The following ZSCAN1 variants were observed in gnomAD, a reference collection of about 807,000 sequenced individuals.
ZSCAN1 encodes the protein zinc finger and SCAN domain containing 1, also known as zinc finger and SCAN domain-containing protein 1.
In ZSCAN1, 23 loss-of-function variants were observed where a neutral mutation model predicts 23.8. The observed-to-expected ratio is 0.97, with a 90% CI of 0.70 to 1.37. The LOEUF (loss-of-function observed/expected upper bound fraction) is 1.37. Among genes scored for constraint, ZSCAN1 ranks in the 40% most tolerant of loss-of-function variants. The pLI is 0.00. For missense variants in ZSCAN1, 575 were observed against 554.0 expected (o/e 1.04, Z -0.38); for synonymous variants, 236 against 232.3 (o/e 1.02, Z -0.15).
In ZSCAN1 at chr19:58,049,910, G is replaced by A. The variant is rs760764982; in HGVS notation, c.466-2580G>A. 1.3e-5 allele frequency among the ~76,000 whole-genome samples: 2 copies of A among 152,178 alleles called. No homozygotes were observed. The highest frequency in any genetic ancestry group is 3.9e-4 in the East Asian group (2 of 5,182). On this transcript the variant is annotated intron_variant, in intron 4 of 5. Transcript: ENST00000282326. This position sits in a 1 kb window ranked among gnomAD's most constrained non-coding sequence, Gnocchi z 4.5. ...TGAGCTTTTTCTTGTGGGCATTCTC[G>A]GGTTTTTTCACTTTACTCCACTGTG...
chr19:58,047,782 C>T lies in ZSCAN1; in HGVS notation c.466-4708C>T, dbSNP rs1396441235. On this transcript the variant is annotated intron_variant, in intron 4 of 5. Transcript: ENST00000282326. This position sits in a 1 kb window ranked among gnomAD's most constrained non-coding sequence, Gnocchi z 4.9. ...CGAGGCACGAAGACGAGGCACAGGG[C>T]ATCCCCTGGGGCTTCAAGGGCAACA... is the stretch of plus-strand genomic sequence containing the variant. 1.3e-5 allele frequency among the ~76,000 whole-genome samples: 2 copies of T among 152,238 alleles called. No individual in the cohort carries two copies. Among genetic ancestry groups the T allele is most frequent in the Non-Finnish European group, 2.9e-5 (2 of 68,048 alleles).
At position 58,045,580 on chromosome 19, in the gene ZSCAN1, T is replaced by C; in HGVS notation, c.465+5036T>C. 1.8e-6 allele frequency: 2 copies of C among 1,112,762 alleles called. No individual in the cohort carries two copies. Among genetic ancestry groups the C allele is most frequent in the Admixed American group, 1.7e-5 (1 of 59,390 alleles). 68.9% of individuals were successfully genotyped at this position (1,112,762 alleles called of 1,614,324 possible). A position where few individuals can be genotyped will look rare whatever the true frequency, so the allele number is the denominator to read the frequency against. ...CAGCTGGTGGCCCTGTGCAAGCTGC[T>C]GGAGCTACAGCTTCCTGCGCTTCCA... On this transcript the variant is annotated intron_variant, in intron 4 of 5. Coordinates refer to ENST00000282326, the MANE Select transcript of ZSCAN1 (RefSeq NM_182572.4). The surrounding 1 kb of genome is among the most constrained non-coding windows in gnomAD (Gnocchi z 4.3).
At chr19:58,048,559 A>C (rs1210694127) in intron 4 of ZSCAN1, among the ~76,000 whole-genome samples, 1 of 152,188 alleles carries the variant, frequency 6.6e-6, no homozygotes, top group Non-Finnish European at 1.5e-5. Flanking sequence ...GGCTCACTGC[A>C]ACCTCCACCT....
At chr19:58,038,831 G>A (rs919518245) in intron 3 of ZSCAN1, among the ~76,000 whole-genome samples, 2 of 152,252 alleles carry the variant, frequency 1.3e-5, no homozygotes, top group South Asian at 4.1e-4. Flanking sequence ...AAAGTGCAGG[G>A]ATTGGACACT....
chr19:58,039,929 T>C (rs1421991268), intron 3 of ZSCAN1, among the ~76,000 whole-genome samples: 1 of 152,108 alleles, frequency 6.6e-6, no homozygotes, highest in Non-Finnish European at 1.5e-5. Flanking sequence ...GGGGGGGGTC[T>C]TGCTGTGTTG....
In ZSCAN1 at chr19:58,052,090, T is replaced by C. The variant is rs146266159; in HGVS notation, c.466-400T>C. Reference sequence around the variant, plus strand: ...AGTTAGGAGCCCCAGCTTGTAACAGTGACCCGAGCTGTGGCACAGGTCCCC... The same window carrying C: ...AGTTAGGAGCCCCAGCTTGTAACAGCGACCCGAGCTGTGGCACAGGTCCCC... On this transcript the variant is annotated intron_variant, in intron 4 of 5. Coordinates refer to ENST00000282326, the MANE Select transcript of ZSCAN1 (RefSeq NM_182572.4). 1.5e-3 allele frequency among the ~76,000 whole-genome samples: 231 copies of C among 152,370 alleles called. 1 individual carries two copies. The South Asian group carries it at 0.027, about 18-fold the overall frequency.
At chr19:58,036,640 C>G (rs958527224) in intron 2 of ZSCAN1, among the ~76,000 whole-genome samples, 1 of 151,680 alleles carries the variant, frequency 6.6e-6, no homozygotes, top group East Asian at 1.9e-4. Context: ...CTCAGCCTCC[C>G]GAGTAGCTGG....
At chr19:58,048,398 T>G (rs908301178) in intron 4 of ZSCAN1, among the ~76,000 whole-genome samples, 1 of 152,264 alleles carries the variant, frequency 6.6e-6, no homozygotes, top group African/African-American at 2.4e-5. Context: ...GTAATCCCAC[T>G]GCTTGAGGTG....
intron 4 of ZSCAN1, among the ~76,000 whole-genome samples, chr19:58,052,080 C>G (rs560755861): frequency 2.0e-4 from 31 of 152,364 alleles, no homozygotes; most frequent in African/African-American, 7.5e-4. Context: ...GGAGCCCCAG[C>G]TTGTAACAGT....
At chr19:58,055,251 GC>G (rs1048541697), downstream of ZSCAN1, among the ~76,000 whole-genome samples, 1 of 152,156 alleles carries the variant, frequency 6.6e-6, no homozygotes, top group African/African-American at 2.4e-5. Context: ...CAACCAAGCT[GC>G]CCCCACTCTC....
chr19:58,038,645 C>T (rs2073760526), intron 3 of ZSCAN1, among the ~76,000 whole-genome samples: 1 of 152,234 alleles, frequency 6.6e-6, no homozygotes, highest in African/African-American at 2.4e-5. Flanking sequence ...CATCCCGACT[C>T]TGGGAGCTGG....
chr19:58,038,342 G>T, intron 3 of ZSCAN1, 136 bp downstream of exon 3: 1 of 1,060,216 alleles, frequency 9.4e-7, no homozygotes, highest in Non-Finnish European at 1.3e-6. Context: ...CTCCTGCCCC[G>T]CGGCTGTGTT....
At chr19:58,039,430 CT>C (rs542952438) in intron 3 of ZSCAN1, among the ~76,000 whole-genome samples, 210 of 152,300 alleles carry the variant, frequency 1.4e-3, no homozygotes, top group Admixed American at 2.4e-3. Flanking sequence ...TATTTTGAGC[CT>C]ATGAAACAGT....
At position 58,054,016 on chromosome 19, in the gene ZSCAN1, C is replaced by A; in HGVS notation, c.1192C>A (p.His398Asn). The change falls in exon 6 of 6, where the codon CAC (histidine) becomes AAC (asparagine). Residue 398 changes from histidine (H) to asparagine (N), a missense_variant. Physicochemically the swap from His to Asn is moderately conservative, Grantham distance 68. Transcript: ENST00000282326. This position sits in a 1 kb window ranked among gnomAD's most constrained non-coding sequence, Gnocchi z 4.2. ...CCCCTGGATGGTCCACCTCATTGAC[C>A]ACCAGAAGCTCCACACGGCCCACGG... is the stretch of plus-strand genomic sequence containing the variant. ...AFPWMVHLIDHQKLHTAHGHM is the reference protein window; with the variant it reads ...AFPWMVHLIDNQKLHTAHGHM 6.5e-7 allele frequency: 1 copy of A among 1,548,400 alleles called. No homozygotes were observed. The highest frequency in any genetic ancestry group is 8.7e-7 in the Non-Finnish European group (1 of 1,147,106).
At chr19:58,043,966 G>T (rs1317687527) in intron 4 of ZSCAN1, among the ~76,000 whole-genome samples, 1 of 150,644 alleles carries the variant, frequency 6.6e-6, no homozygotes, top group Admixed American at 6.6e-5. Flanking sequence ...TGTGCCTGGC[G>T]TAAAAAACTT....
At chr19:58,041,403 T>A (rs1391164652) in intron 4 of ZSCAN1, among the ~76,000 whole-genome samples, 1 of 152,126 alleles carries the variant, frequency 6.6e-6, no homozygotes, top group Non-Finnish European at 1.5e-5. Context: ...GGGCACACAT[T>A]GGGAAACAGA....
At chr19:58,050,455 G>C (rs186768724) in intron 4 of ZSCAN1, among the ~76,000 whole-genome samples, 336 of 152,104 alleles carry the variant, frequency 2.2e-3, no homozygotes, top group African/African-American at 6.6e-3. Flanking sequence ...AAATAAAATA[G>C]AGCTATTAAG....
At chr19:58,042,491 C>A (rs958088620) in intron 4 of ZSCAN1, among the ~76,000 whole-genome samples, 1 of 152,114 alleles carries the variant, frequency 6.6e-6, no homozygotes, top group Non-Finnish European at 1.5e-5. Flanking sequence ...ATCTCCTGAC[C>A]TCGTGATCCA....
intron 4 of ZSCAN1, among the ~76,000 whole-genome samples, chr19:58,043,344 C>T (rs948488706): frequency 6.6e-6 from 1 of 152,244 alleles, no homozygotes; most frequent in Non-Finnish European, 1.5e-5. Flanking sequence ...ACCTGCACAG[C>T]ACGGGGCTGC....
Sources: allele counts gnomAD v4.1 joint callset (sites outside exome capture counted in the v4.1 genomes callset), GRCh38; gene constraint gnomAD v4.1.1; non-coding constraint Gnocchi (gnomAD v3.1); transcripts MANE v1.5; gene names NCBI Gene and HGNC (gene_info 2026-07-23, HGNC 2026-07-21).